The following LIPI variants were observed in gnomAD, a reference collection of about 807,000 sequenced individuals.
LIPI encodes lipase member I.
In LIPI, 59 loss-of-function variants were observed where a neutral mutation model predicts 50.6. That is an observed-to-expected ratio of 1.16 (90% confidence interval 0.94 to 1.45). LIPI has a LOEUF of 1.45. Among genes scored for constraint, LIPI ranks in the 40% most tolerant of loss-of-function variants. The pLI, the probability that LIPI is intolerant of heterozygous loss-of-function variation, is 0.00. For missense variants in LIPI, 586 were observed against 536.3 expected, an observed-to-expected ratio of 1.09 and a Z score of -0.92; for synonymous variants, 203 against 178.2, an observed-to-expected ratio of 1.14 and a Z score of -1.11.
intron 7 of LIPI, among the ~76,000 whole-genome samples, chr21:14,158,987 G>A (rs1390591002): frequency 6.6e-6 from 1 of 151,420 alleles, no homozygotes; most frequent in Non-Finnish European, 1.5e-5. Context: ...AATTAAATTT[G>A]TAGTAAAAAC....
chr21:14,197,522 C>A (rs399963), intron 1 of LIPI, among the ~76,000 whole-genome samples: 80,567 of 151,454 alleles, frequency 0.53, 21,710 homozygotes, highest in Non-Finnish European at 0.56. Flanking sequence ...AAAGAATCTC[C>A]GGGTTAGATT....
intron 9 of LIPI, among the ~76,000 whole-genome samples, chr21:14,116,323 G>C (rs972578211): frequency 6.6e-6 from 1 of 152,114 alleles, no homozygotes; most frequent in African/African-American, 2.4e-5. Flanking sequence ...ACCTAGGTCA[G>C]TGCGTAAGGC....
At chr21:14,132,360 G>C (rs1261629434) in intron 9 of LIPI, among the ~76,000 whole-genome samples, 1 of 152,062 alleles carries the variant, frequency 6.6e-6, no homozygotes, top group East Asian at 1.9e-4. Flanking sequence ...AATAACAACA[G>C]ACTTTTTAGC....
intron 9 of LIPI, among the ~76,000 whole-genome samples, chr21:14,110,477 G>T (rs1409357038): frequency 2.0e-5 from 3 of 151,790 alleles, no homozygotes; most frequent in Non-Finnish European, 2.9e-5. Flanking sequence ...TAGTTATTTT[G>T]CAACAAAAGC....
intron 4 of LIPI, among the ~76,000 whole-genome samples, chr21:14,181,356 G>A (rs1035487683): frequency 6.6e-5 from 10 of 152,144 alleles, no homozygotes; most frequent in Non-Finnish European, 1.5e-4. Context: ...GAAATGCTGT[G>A]TTCAGTTCTA....
chr21:14,195,924 C>G (rs1317041957), intron 1 of LIPI, among the ~76,000 whole-genome samples: 1 of 152,058 alleles, frequency 6.6e-6, no homozygotes, highest in Non-Finnish European at 1.5e-5. Flanking sequence ...AGGAGAATGG[C>G]TAACATTAAA....
At chr21:14,205,650 C>G (rs1453275235) in intron 1 of LIPI, among the ~76,000 whole-genome samples, 1 of 151,838 alleles carries the variant, frequency 6.6e-6, no homozygotes. Flanking sequence ...CTGTATTTCT[C>G]TGTGTGATTT....
At chr21:14,169,935 T>G (rs1359790821) in intron 4 of LIPI, among the ~76,000 whole-genome samples, 1 of 151,920 alleles carries the variant, frequency 6.6e-6, no homozygotes, top group Non-Finnish European at 1.5e-5. Flanking sequence ...GCTGGTTTTT[T>G]GAAAGGATCA....
chr21:14,167,896 T>A (rs1332563737), intron 4 of LIPI, among the ~76,000 whole-genome samples: 1 of 152,172 alleles, frequency 6.6e-6, no homozygotes, highest in Non-Finnish European at 1.5e-5. Flanking sequence ...AGAAGAAGGC[T>A]TCAGATGATC....
At position 14,165,409 on chromosome 21, in the gene LIPI, A is replaced by G. The variant is rs957310833; in HGVS notation, c.734-19T>C. On this transcript the variant is annotated intron_variant, in intron 5 of 9. Transcript: ENST00000681601. ...TGAATTCCTTAAGGGTTAAAAAAAA[A>G]ACAAAGAACTGTAGATGTATTAAGC... The G allele has an allele frequency of 3.2e-6, 5 of 1,581,816 alleles. No homozygotes were observed. Among genetic ancestry groups the G allele is most frequent in the Non-Finnish European group, 4.3e-6 (5 of 1,153,908 alleles).
At chr21:14,148,260 C>T (rs2017974072) in intron 8 of LIPI, among the ~76,000 whole-genome samples, 1 of 152,114 alleles carries the variant, frequency 6.6e-6, no homozygotes, top group South Asian at 2.1e-4. Context: ...GGTATAATTA[C>T]AGGTGATCCC....
chr21:14,185,615 T>C (rs1361121271), intron 3 of LIPI, among the ~76,000 whole-genome samples: 2 of 152,210 alleles, frequency 1.3e-5, no homozygotes, highest in Non-Finnish European at 2.9e-5. Context: ...CAGTGGCTCA[T>C]GCCTGTAATC....
intron 9 of LIPI, among the ~76,000 whole-genome samples, chr21:14,135,625 A>G (rs1027320061): frequency 2.6e-5 from 4 of 152,216 alleles, no homozygotes; most frequent in African/African-American, 9.6e-5. Context: ...GCCTTGCCAC[A>G]GGGGAATCAG....
At chr21:14,206,767 T>C (rs1257120756) in intron 1 of LIPI, 1 of 1,139,280 alleles carries the variant, frequency 8.8e-7, no homozygotes. Flanking sequence ...TATTTCCTCT[T>C]CTTTTCTTCA....
At chr21:14,121,486 T>G (rs1002237458) in intron 9 of LIPI, among the ~76,000 whole-genome samples, 1 of 152,076 alleles carries the variant, frequency 6.6e-6, no homozygotes, top group Non-Finnish European at 1.5e-5. Flanking sequence ...TTAAAGGAAA[T>G]TGGAGAACTG....
chr21:14,206,208 G>A (rs559295968), intron 1 of LIPI, among the ~76,000 whole-genome samples: 3 of 152,214 alleles, frequency 2.0e-5, no homozygotes, highest in Non-Finnish European at 2.9e-5. Context: ...TGCCCTGGAC[G>A]TGAGCAGCTG....
chr21:14,200,460 A>G (rs745737508), intron 1 of LIPI, among the ~76,000 whole-genome samples: 4 of 152,104 alleles, frequency 2.6e-5, no homozygotes, highest in Non-Finnish European at 5.9e-5. Flanking sequence ...ATACACCAAC[A>G]AAGTCAAGCC....
Position 14,142,755 on chromosome 21 carries a change from A to C in LIPI, c.1295+1868T>G, listed in dbSNP as rs151325321. The stretch of plus-strand genomic sequence containing the variant: ...CGACTTGGCCTCTGAAAATGCTGGG[A>C]TTACAGGCGTGAGCCACCACTCTTG... On this transcript the variant is annotated intron_variant, in intron 9 of 9. Coordinates refer to ENST00000681601, the MANE Select transcript of LIPI (RefSeq NM_001302998.2). 9.1e-4 allele frequency among the ~76,000 whole-genome samples: 139 copies of C among 151,928 alleles called. 1 individual carries two copies. The highest frequency in any genetic ancestry group is 7.5e-3 in the East Asian group (39 of 5,182).
intron 9 of LIPI, among the ~76,000 whole-genome samples, chr21:14,140,146 A>G (rs1383424478): frequency 6.6e-6 from 1 of 152,182 alleles, no homozygotes; most frequent in Non-Finnish European, 1.5e-5. Flanking sequence ...TAAAAGCAAG[A>G]GAACACTTAA....
Sources: gnomAD v4.1 joint callset for allele counts (sites outside exome capture counted in the v4.1 genomes callset) on GRCh38, gnomAD v4.1.1 for gene constraint, MANE v1.5 for transcripts, NCBI Gene and HGNC (gene_info 2026-07-23, HGNC 2026-07-21) for gene names.